Variants in RIC1 observed in about 807,000 individuals in gnomAD.
RIC1 encodes RIC1 partner of RAB6A GEF complex.
RIC1 carries 88 observed loss-of-function variants against 169.0 expected under a neutral mutation model. The ratio of observed to expected loss-of-function variants is 0.52; its 90% CI spans 0.44 to 0.62. The LOEUF (loss-of-function observed/expected upper bound fraction) is 0.62, where lower values mean the gene tolerates loss of function less well. RIC1 is among the 20% of genes least tolerant of loss of function. The probability of loss-of-function intolerance (pLI) is 0.00; values close to 1 mark genes in which losing one functional copy is unlikely to be tolerated. For synonymous variants in RIC1, 790 were observed against 601.5 expected, an observed-to-expected ratio of 1.31 and a Z score of -4.59; for missense variants, 1,877 against 1,725.5, an observed-to-expected ratio of 1.09 and a Z score of -1.56.
chr9:5,745,210 G>C (rs1282639839), intron 10 of RIC1, among the ~76,000 whole-genome samples: 1 of 152,054 alleles, frequency 6.6e-6, no homozygotes, highest in Non-Finnish European at 1.5e-5. Flanking sequence ...CTTTATCATA[G>C]GAAAACATAA....
rs556684909 is a variant in RIC1, at chr9:5,642,982, A to G, written c.144+13529A>G. Among the ~76,000 whole-genome samples, 20 of 152,250 alleles carry G rather than the reference A, an allele frequency of 1.3e-4. No homozygotes were observed. In the South Asian group the frequency reaches 3.3e-3, roughly 25 times the overall value. On this transcript the variant is annotated intron_variant, in intron 1 of 25. Transcript: ENST00000414202. ...CTAGTACCATTTTTATGAATAGAAG[A>G]TATTATGAAGGAATACAATAAAAAC... is the stretch of plus-strand genomic sequence containing the variant.
chr9:5,687,011 A>G (rs1821289178), intron 2 of RIC1, among the ~76,000 whole-genome samples: 1 of 152,208 alleles, frequency 6.6e-6, no homozygotes, highest in African/African-American at 2.4e-5. Flanking sequence ...AATTGGAATT[A>G]TAATTTCTTT....
chr9:5,629,499 C>A, intron 1 of RIC1, 46 bp downstream of exon 1: 2 of 1,497,284 alleles, frequency 1.3e-6, no homozygotes, highest in Non-Finnish European at 1.8e-6. Flanking sequence ...TCCCCGGCCT[C>A]CCGGCGCCGT....
intron 9 of RIC1, 22 bp from the exon 10 acceptor site, chr9:5,743,667 T>C (rs559267541): frequency 7.0e-6 from 11 of 1,582,498 alleles, no homozygotes; most frequent in Non-Finnish European, 8.7e-6. Context: ...CTGTATTATA[T>C]TTAGTTTCTG....
At chr9:5,749,142 A>G (rs1198047547) in intron 12 of RIC1, among the ~76,000 whole-genome samples, 3 of 152,250 alleles carry the variant, frequency 2.0e-5, no homozygotes, top group Non-Finnish European at 4.4e-5. Flanking sequence ...CCAGCAGAGT[A>G]GTGGCAGACT....
At position 5,635,838 on chromosome 9, in the gene RIC1, G is replaced by T. The variant is rs1375858673; in HGVS notation, c.144+6385G>T. 2.6e-5 allele frequency among the ~76,000 whole-genome samples: 4 copies of T among 152,302 alleles called. 1 individual carries two copies. In the East Asian group the frequency reaches 7.7e-4, roughly 29 times the overall value. ...TCTCTTGCCTGCCAGCATGTAACAA[G>T]TGCCTGCTTCCCCTTCTGCCATGAT... On this transcript the variant is annotated intron_variant, in intron 1 of 25. Coordinates refer to ENST00000414202, the MANE Select transcript of RIC1 (RefSeq NM_020829.4).
At chr9:5,699,683 A>C (rs1822105787) in intron 3 of RIC1, among the ~76,000 whole-genome samples, 1 of 152,176 alleles carries the variant, frequency 6.6e-6, no homozygotes, top group Non-Finnish European at 1.5e-5. Context: ...TTTGTAAATA[A>C]AATGTAATTG....
chr9:5,667,779 C>T (rs1819864211), intron 2 of RIC1, among the ~76,000 whole-genome samples: 1 of 152,166 alleles, frequency 6.6e-6, no homozygotes, highest in Non-Finnish European at 1.5e-5. Flanking sequence ...GCTGGGATTA[C>T]AGGCATGAGC....
At chr9:5,639,908 C>T (rs1288956629) in intron 1 of RIC1, among the ~76,000 whole-genome samples, 1 of 152,234 alleles carries the variant, frequency 6.6e-6, no homozygotes, top group African/African-American at 2.4e-5. Flanking sequence ...CTTTTGGTTT[C>T]CATTGGCATG....
chr9:5,695,658 C>T (rs1382200448), intron 3 of RIC1, among the ~76,000 whole-genome samples: 4 of 151,344 alleles, frequency 2.6e-5, no homozygotes, highest in South Asian at 2.1e-4. Context: ...CTGCAATCTC[C>T]GCCTTCTGGG....
intron 1 of RIC1, among the ~76,000 whole-genome samples, chr9:5,643,644 T>TA (rs1246684583): frequency 6.6e-6 from 1 of 152,116 alleles, no homozygotes; most frequent in Non-Finnish European, 1.5e-5. Flanking sequence ...CTTACGTAAA[T>TA]AAAAAAGATT....
intron 3 of RIC1, among the ~76,000 whole-genome samples, chr9:5,693,205 G>A (rs956780408): frequency 1.3e-5 from 2 of 152,096 alleles, no homozygotes; most frequent in Admixed American, 1.3e-4. Flanking sequence ...CTTAGTTATA[G>A]AAATACTATT....
intron 3 of RIC1, among the ~76,000 whole-genome samples, chr9:5,691,238 A>G (rs1165170136): frequency 6.6e-6 from 1 of 151,966 alleles, no homozygotes; most frequent in Admixed American, 6.6e-5. Flanking sequence ...TAATATGACC[A>G]TGACTGTATA....
rs987508645 is a variant in RIC1 at position 5,649,715 on chromosome 9, C to T, written c.145-6868C>T. On this transcript the variant is annotated intron_variant, in intron 1 of 25. Transcript: ENST00000414202. Reference sequence around the variant, plus strand: ...TCTGTTGCTGGGGAATTATTGTGTTCCTTTGGAGATGTCATAATTTCTTGT... The same window carrying T: ...TCTGTTGCTGGGGAATTATTGTGTTTCTTTGGAGATGTCATAATTTCTTGT... 8.1e-5 allele frequency among the ~76,000 whole-genome samples: 12 copies of T among 147,636 alleles called. 1 individual carries two copies. Among genetic ancestry groups the T allele is most frequent in the Admixed American group, 6.8e-4 (10 of 14,640 alleles).
intron 2 of RIC1, among the ~76,000 whole-genome samples, chr9:5,689,162 C>T (rs1256514712): frequency 6.8e-6 from 1 of 147,548 alleles, no homozygotes; most frequent in Non-Finnish European, 1.5e-5. Context: ...CATTCTCCTG[C>T]CTCAGCCTCC....
At chr9:5,704,393 G>A (rs1030831494) in intron 3 of RIC1, among the ~76,000 whole-genome samples, 1 of 151,610 alleles carries the variant, frequency 6.6e-6, no homozygotes, top group Non-Finnish European at 1.5e-5. Context: ...TGATTTTTTT[G>A]TGAAGTTGGG....
chr9:5,635,690 A>G (rs1228661514), intron 1 of RIC1, among the ~76,000 whole-genome samples: 2 of 152,204 alleles, frequency 1.3e-5, no homozygotes, highest in Non-Finnish European at 2.9e-5. Context: ...GGAGGGCAGG[A>G]CCTGGTAGGG....
intron 2 of RIC1, among the ~76,000 whole-genome samples, chr9:5,668,710 C>T (rs1017101124): frequency 6.6e-6 from 1 of 151,944 alleles, no homozygotes; most frequent in Non-Finnish European, 1.5e-5. Flanking sequence ...TACTTTTTAT[C>T]TTCAGAATTT....
At chr9:5,641,641 T>A (rs1194483585) in intron 1 of RIC1, among the ~76,000 whole-genome samples, 1 of 115,296 alleles carries the variant, frequency 8.7e-6, no homozygotes, top group Non-Finnish European at 1.7e-5. Context: ...CTGACTATAT[T>A]GTCAAGTAGC....
Sources: gnomAD v4.1 joint callset for allele counts (sites outside exome capture counted in the v4.1 genomes callset) on GRCh38, gnomAD v4.1.1 for gene constraint, MANE v1.5 for transcripts, NCBI Gene and HGNC (gene_info 2026-07-23, HGNC 2026-07-21) for gene names.